The following RANBP2 variants were observed in gnomAD, a reference collection of about 807,000 sequenced individuals.
RANBP2 encodes E3 SUMO-protein ligase RanBP2.
Under a neutral mutation model 303.6 loss-of-function variants are expected in RANBP2, and 57 were observed. The observed-to-expected ratio is 0.19, with a 90% CI of 0.15 to 0.23. The LOEUF is 0.23. Ranked by LOEUF, RANBP2 falls within the 10% of genes least tolerant of loss-of-function variation. The pLI is 1.00. For missense variants in RANBP2, 3,138 were observed against 3,780.8 expected (o/e 0.83, Z 4.46); for synonymous variants, 1,167 against 1,301.5 (o/e 0.90, Z 2.23).
the RANBP2 span, among the ~76,000 whole-genome samples, chr2:109,086,710 A>G: frequency 6.6e-6 from 1 of 152,348 alleles, no homozygotes; most frequent in East Asian, 1.9e-4. Context: ...CACCATGAGC[A>G]GCAAGGTCCT....
chr2:109,590,117 T>C, the RANBP2 span, among the ~76,000 whole-genome samples: 3 of 151,660 alleles, frequency 2.0e-5, no homozygotes, highest in African/African-American at 4.8e-5. Context: ...TATGTATATA[T>C]ATACACACAT....
chr2:108,932,935 AGCACGCCTG>A, the RANBP2 span, among the ~76,000 whole-genome samples: 1 of 152,136 alleles, frequency 6.6e-6, no homozygotes. Context: ...ATCCCTGGGG[AGCACGCCTG>A]TCCTGCCTCC....
At chr2:109,348,183 C>CTGTATGTA in the RANBP2 span, among the ~76,000 whole-genome samples, 1 of 152,190 alleles carries the variant, frequency 6.6e-6, no homozygotes, top group African/African-American at 2.4e-5. Context: ...CAGCTCCAGC[C>CTGTATGTA]CAGAGCTACA....
chr2:108,742,290 C>T (rs1435809946), intron 7 of RANBP2, among the ~76,000 whole-genome samples: 1 of 151,970 alleles, frequency 6.6e-6, no homozygotes, highest in Non-Finnish European at 1.5e-5. Flanking sequence ...AGCCACCATG[C>T]CCTGCCTAAT....
the RANBP2 span, among the ~76,000 whole-genome samples, chr2:109,060,260 G>C: frequency 6.6e-6 from 1 of 152,170 alleles, no homozygotes; most frequent in Admixed American, 6.5e-5. Context: ...GAAACTGAAA[G>C]TGCAGCAACA....
At chr2:109,275,074 C>A in the RANBP2 span, among the ~76,000 whole-genome samples, 1 of 152,174 alleles carries the variant, frequency 6.6e-6, no homozygotes, top group Admixed American at 6.5e-5. Flanking sequence ...CATCTCAGAA[C>A]AGCTTCCACC....
chr2:109,413,973 G>A, the RANBP2 span, among the ~76,000 whole-genome samples: 1 of 152,260 alleles, frequency 6.6e-6, no homozygotes, highest in Non-Finnish European at 1.5e-5. Context: ...CCCAAGACCA[G>A]TGGGTCCTTC....
the RANBP2 span, among the ~76,000 whole-genome samples, chr2:109,005,987 G>C: frequency 6.6e-6 from 1 of 152,142 alleles, no homozygotes; most frequent in African/African-American, 2.4e-5. Flanking sequence ...GAGGTCACAT[G>C]AGCCAGTGGG....
the RANBP2 span, among the ~76,000 whole-genome samples, chr2:109,708,841 T>C: frequency 6.6e-6 from 1 of 150,708 alleles, no homozygotes; most frequent in African/African-American, 2.5e-5. Context: ...CTGGATATGG[T>C]GGTGGGCACC....
At chr2:108,923,549 C>A in the RANBP2 span, 1 of 1,147,804 alleles carries the variant, frequency 8.7e-7, no homozygotes, top group East Asian at 2.3e-5. Context: ...TCTGCAGGCC[C>A]ACAATCAAGT....
At position 108,783,914 on chromosome 2, in the gene RANBP2, T is replaced by C. The variant is rs991731324; in HGVS notation, c.*13T>C. On this transcript the variant is annotated 3_prime_UTR_variant, in exon 29 of 29. Coordinates refer to ENST00000283195, the MANE Select transcript of RANBP2 (RefSeq NM_006267.5). ...TGGACAGATATAAAATCATTGTTGT[T>C]CATAGAAAATTTCATCTGTATAAGC... 2.4e-5 allele frequency: 39 copies of C among 1,598,850 alleles called. No individual in the cohort carries two copies. Among genetic ancestry groups the C allele is most frequent in the Non-Finnish European group, 3.1e-5 (36 of 1,166,552 alleles).
chr2:109,710,044 G>A, the RANBP2 span, among the ~76,000 whole-genome samples: 1 of 149,014 alleles, frequency 6.7e-6, no homozygotes, highest in Non-Finnish European at 1.5e-5. Flanking sequence ...CTGAGATCGT[G>A]CCACTGCACT....
chr2:109,322,112 A>G, the RANBP2 span, among the ~76,000 whole-genome samples: 2 of 152,158 alleles, frequency 1.3e-5, no homozygotes. Context: ...AAGAATGAGG[A>G]AAGGGAAAAA....
At chr2:109,413,479 C>G in the RANBP2 span, among the ~76,000 whole-genome samples, 1 of 152,072 alleles carries the variant, frequency 6.6e-6, no homozygotes, top group African/African-American at 2.4e-5. Flanking sequence ...TTTTTCCTGC[C>G]CTGTCTCTGT....
chr2:109,364,014 A>G, the RANBP2 span, among the ~76,000 whole-genome samples: 1 of 152,204 alleles, frequency 6.6e-6, no homozygotes, highest in East Asian at 1.9e-4. Flanking sequence ...AATAATTTGG[A>G]GAAATTCTCA....
rs190260289 is a variant in RANBP2, at chr2:108,758,345, C to T, written c.2467-68C>T. On this transcript the variant is annotated intron_variant, in intron 17 of 28. Coordinates refer to ENST00000283195, the MANE Select transcript of RANBP2 (RefSeq NM_006267.5). ...ATTTAAATTTAAAAGAGTAAGTTTCCCCAGCACTGTTTCTGTCATGATATA... is the reference window on the plus strand; with the variant it reads ...ATTTAAATTTAAAAGAGTAAGTTTCTCCAGCACTGTTTCTGTCATGATATA... 8 of 1,600,832 alleles carry T rather than the reference C, an allele frequency of 5.0e-6. No individual in the cohort carries two copies. In the African/African-American group the frequency reaches 9.5e-5, roughly 19 times the overall value.
intron 1 of RANBP2, among the ~76,000 whole-genome samples, chr2:108,726,616 G>A (rs1694731150): frequency 1.3e-5 from 2 of 151,572 alleles, no homozygotes; most frequent in African/African-American, 4.8e-5. Context: ...GTCTCACCTT[G>A]CTTTTTATTA....
chr2:108,979,193 AG>A, the RANBP2 span, among the ~76,000 whole-genome samples: 2 of 152,278 alleles, frequency 1.3e-5, no homozygotes, highest in South Asian at 4.1e-4. Flanking sequence ...CCCTTACTTA[AG>A]GAACAGCTCT....
chr2:109,669,732 C>T, the RANBP2 span, among the ~76,000 whole-genome samples: 1 of 152,186 alleles, frequency 6.6e-6, no homozygotes, highest in Admixed American at 6.5e-5. Context: ...GGCTCTTTTA[C>T]CGGCTCCCTG....
Sources: allele counts gnomAD v4.1 joint callset (sites outside exome capture counted in the v4.1 genomes callset), GRCh38; gene constraint gnomAD v4.1.1; transcripts MANE v1.5; gene names NCBI Gene and HGNC (gene_info 2026-07-23, HGNC 2026-07-21).